PPHLN1: variants seen among roughly 807,000 people sequenced by gnomAD.
PPHLN1 encodes periphilin 1.
A neutral mutation model predicts 51.3 loss-of-function variants in PPHLN1; 29 were observed. That is an observed-to-expected ratio of 0.57 (90% CI 0.42 to 0.77). The LOEUF is 0.77. PPHLN1 is among the 30% of genes least tolerant of loss of function. The pLI, the probability that PPHLN1 is intolerant of heterozygous loss-of-function variation, is 0.00. For synonymous variants in PPHLN1, 147 were observed against 147.8 expected, an observed-to-expected ratio of 0.99 and a Z score of 0.04; for missense variants, 436 against 438.4, an observed-to-expected ratio of 0.99 and a Z score of 0.05.
At chr12:42,365,179 A>G (rs192432033) in intron 4 of PPHLN1, among the ~76,000 whole-genome samples, 2 of 152,318 alleles carry the variant, frequency 1.3e-5, no homozygotes, top group Admixed American at 1.3e-4. Context: ...CCGTTTCCAC[A>G]TTTAAAATAA....
At chr12:42,399,879 T>G (rs1437690865) in intron 9 of PPHLN1, 1 of 152,014 alleles carries the variant, frequency 6.6e-6, no homozygotes, top group African/African-American at 2.4e-5. Context: ...ATAAGGAAAA[T>G]GGAGACTGAG....
chr12:42,392,088 C>T (rs1205739132), intron 7 of PPHLN1, among the ~76,000 whole-genome samples: 1 of 152,078 alleles, frequency 6.6e-6, no homozygotes, highest in Non-Finnish European at 1.5e-5. Context: ...ATGGTGTGCG[C>T]ATTTGTACTG....
intron 4 of PPHLN1, among the ~76,000 whole-genome samples, chr12:42,366,029 A>G (rs367625771): frequency 1.3e-5 from 2 of 152,088 alleles, no homozygotes; most frequent in East Asian, 1.9e-4. Context: ...TCTTACTTGC[A>G]GTTTTTACCT....
intron 1 of PPHLN1, among the ~76,000 whole-genome samples, chr12:42,329,338 T>C (rs188624354): frequency 2.3e-4 from 35 of 151,610 alleles, no homozygotes; most frequent in Non-Finnish European, 4.3e-4. Context: ...ATCTCCTGAC[T>C]TCGTGATCCG....
At chr12:42,347,051 G>A (rs2072448899) in intron 2 of PPHLN1, 1 of 152,186 alleles carries the variant, frequency 6.6e-6, no homozygotes, top group Admixed American at 6.6e-5. Flanking sequence ...GCACCCAGCT[G>A]GCCTTTTTGT....
intron 4 of PPHLN1, among the ~76,000 whole-genome samples, chr12:42,367,968 T>G (rs1321744488): frequency 3.3e-5 from 5 of 152,166 alleles, no homozygotes; most frequent in Non-Finnish European, 7.3e-5. Flanking sequence ...CTCCTTGAAC[T>G]CAAGTGATCC....
chr12:42,329,543 A>T (rs1210455054), intron 1 of PPHLN1, among the ~76,000 whole-genome samples: 1 of 152,214 alleles, frequency 6.6e-6, no homozygotes, highest in Non-Finnish European at 1.5e-5. Context: ...TATTATTAGC[A>T]TTAATAATCT....
intron 1 of PPHLN1, chr12:42,332,625 A>G: frequency 6.7e-7 from 1 of 1,498,550 alleles, no homozygotes; most frequent in South Asian, 1.1e-5. Context: ...TTATACAGAC[A>G]CAAATCTTTA....
chr12:42,434,270 T>G (rs2082292085), intron 9 of PPHLN1, among the ~76,000 whole-genome samples: 1 of 152,108 alleles, frequency 6.6e-6, no homozygotes. Flanking sequence ...CAACACACAC[T>G]GGGGCCTGTT....
chr12:42,357,545 A>G (rs2074180418), intron 4 of PPHLN1, among the ~76,000 whole-genome samples: 1 of 152,198 alleles, frequency 6.6e-6, no homozygotes, highest in Non-Finnish European at 1.5e-5. Flanking sequence ...GTGCTGGGAC[A>G]AACATTTCAA....
downstream of PPHLN1, chr12:42,444,868 G>GCTCT (rs1167439322): frequency 1.7e-6 from 1 of 576,796 alleles, no homozygotes; most frequent in African/African-American, 1.9e-5. Flanking sequence ...TTTACCGATG[G>GCTCT]CTCTCGTAAA....
At chr12:42,361,915 A>G (rs931832928) in intron 4 of PPHLN1, among the ~76,000 whole-genome samples, 1 of 152,204 alleles carries the variant, frequency 6.6e-6, no homozygotes, top group African/African-American at 2.4e-5. Flanking sequence ...TTACTGAATC[A>G]TATGGTAATC....
intron 9 of PPHLN1, among the ~76,000 whole-genome samples, chr12:42,429,590 T>C (rs1468723366): frequency 6.6e-6 from 1 of 152,238 alleles, no homozygotes; most frequent in East Asian, 1.9e-4. Context: ...GCATTTACCA[T>C]ATTCTGCCTT....
At chr12:42,360,110 C>CAAAAAAAAAAAAAAAAAAAAAAAAAA (rs10643805) in intron 4 of PPHLN1, among the ~76,000 whole-genome samples, 99 of 123,024 alleles carry the variant, frequency 8.0e-4, no homozygotes, top group East Asian at 3.3e-3. Flanking sequence ...GACTCCATCT[C>CAAAAAAAAAAAAAAAAAAAAAAAAAA]AAAAAAAAAA....
At chr12:42,402,979 A>G (rs1326518308) in intron 9 of PPHLN1, among the ~76,000 whole-genome samples, 2 of 152,234 alleles carry the variant, frequency 1.3e-5, no homozygotes. Flanking sequence ...AAGAGGCTAG[A>G]AGTAAAGATT....
At chr12:42,375,237 TAC>T (rs929696292) in intron 5 of PPHLN1, 163 bp downstream of exon 5, 14 of 492,540 alleles carry the variant, frequency 2.8e-5, no homozygotes, top group African/African-American at 2.0e-4. Flanking sequence ...ACAAACACCA[TAC>T]ACACACATTT....
chr12:42,368,545 A>G (rs1279591046), intron 4 of PPHLN1, among the ~76,000 whole-genome samples: 1 of 152,212 alleles, frequency 6.6e-6, no homozygotes, highest in East Asian at 1.9e-4. Context: ...AAAAGGCCAT[A>G]TATAAGTAGA....
Position 42,384,327 on chromosome 12 carries a change from C to T in PPHLN1, c.512-613C>T, listed in dbSNP as rs536650719. Among the ~76,000 whole-genome samples, 37 of 152,024 alleles carry T rather than the reference C, an allele frequency of 2.4e-4. No individual in the cohort carries two copies. In the South Asian group the frequency reaches 4.2e-3, roughly 17 times the overall value. ...TCATTGTTATGGAGTTTGTATCTTA[C>T]TGGAAAAATACCTGGGAGCCCTGAC... On this transcript the variant is annotated intron_variant, in intron 5 of 9. Coordinates refer to ENST00000358314, the MANE Select transcript of PPHLN1 (RefSeq NM_201439.2).
chr12:42,443,780 C>T (rs1261599632), downstream of PPHLN1: 2 of 152,338 alleles, frequency 1.3e-5, no homozygotes, highest in East Asian at 3.9e-4. Flanking sequence ...GGCTCCCTTC[C>T]CCCGCAGCAG....
Sources: gnomAD v4.1 joint callset for allele counts (sites outside exome capture counted in the v4.1 genomes callset) on GRCh38, gnomAD v4.1.1 for gene constraint, MANE v1.5 for transcripts, NCBI Gene and HGNC (gene_info 2026-07-23, HGNC 2026-07-21) for gene names.